GABRG3: variants seen among roughly 807,000 people sequenced by gnomAD.
The protein encoded by GABRG3 is gamma-aminobutyric acid type A receptor subunit gamma3.
In GABRG3, 25 loss-of-function variants were observed where a neutral mutation model predicts 48.8. That is an observed-to-expected ratio of 0.51 (90% confidence interval 0.37 to 0.72). GABRG3 has a LOEUF of 0.72. Among genes scored for constraint, GABRG3 ranks in the 30% least tolerant of loss-of-function variants. The probability of loss-of-function intolerance (pLI) is 0.00; values close to 1 mark genes in which losing one functional copy is unlikely to be tolerated. For missense variants in GABRG3, 394 were observed against 577.9 expected, an observed-to-expected ratio of 0.68 and a Z score of 3.26; for synonymous variants, 227 against 217.6, an observed-to-expected ratio of 1.04 and a Z score of -0.38.
intron 3 of GABRG3, among the ~76,000 whole-genome samples, chr15:27,199,869 T>C (rs1370450246): frequency 6.6e-6 from 1 of 152,092 alleles, no homozygotes; most frequent in Non-Finnish European, 1.5e-5. Context: ...TTGTCTTTTT[T>C]TTTCTTTCTT....
At chr15:27,207,421 G>A (rs896904413) in intron 3 of GABRG3, among the ~76,000 whole-genome samples, 1 of 152,208 alleles carries the variant, frequency 6.6e-6, no homozygotes, top group African/African-American at 2.4e-5. Context: ...GCCTTCCAAA[G>A]ATTCACATTT....
At chr15:27,156,534 C>T (rs1465758064) in intron 3 of GABRG3, among the ~76,000 whole-genome samples, 2 of 152,110 alleles carry the variant, frequency 1.3e-5, no homozygotes, top group African/African-American at 4.8e-5. Flanking sequence ...GATGCCCTAA[C>T]TGGTTTGCCT....
rs537647733 is a variant in GABRG3 at position 27,522,892 on chromosome 15, A to G, written c.865+2768A>G. Among the ~76,000 whole-genome samples the G allele has an allele frequency of 1.8e-4, 27 of 152,032 alleles. No individual in the cohort carries two copies. The South Asian group carries it at 5.2e-3, about 29-fold the overall frequency. Reference sequence around the variant, plus strand: ...ATACTTCTATCAGCAGTGTACACAAACAAGCACATTTGTCCACTTATTTAA... The same window carrying G: ...ATACTTCTATCAGCAGTGTACACAAGCAAGCACATTTGTCCACTTATTTAA... On this transcript the variant is annotated intron_variant, in intron 7 of 9. Transcript: ENST00000615808.
At chr15:27,042,953 A>G (rs1383215581) in intron 3 of GABRG3, among the ~76,000 whole-genome samples, 1 of 152,208 alleles carries the variant, frequency 6.6e-6, no homozygotes, top group African/African-American at 2.4e-5. Context: ...TGTTGCACTC[A>G]GTCATAAGCT....
intron 3 of GABRG3, among the ~76,000 whole-genome samples, chr15:27,120,643 C>T (rs549588371): frequency 4.3e-4 from 66 of 152,182 alleles, no homozygotes; most frequent in African/African-American, 1.6e-3. Flanking sequence ...ATAGGCGCTC[C>T]TGGACTGGGC....
At chr15:27,367,025 G>T (rs547020200) in intron 5 of GABRG3, among the ~76,000 whole-genome samples, 1 of 152,262 alleles carries the variant, frequency 6.6e-6, no homozygotes, top group Admixed American at 6.5e-5. Context: ...TCCCCCAGAG[G>T]CACCAAGGAG....
At chr15:27,073,095 T>C (rs1414915323) in intron 3 of GABRG3, among the ~76,000 whole-genome samples, 2 of 152,224 alleles carry the variant, frequency 1.3e-5, no homozygotes, top group African/African-American at 4.8e-5. Flanking sequence ...GGTGACTTGA[T>C]GTGTCCAGGG....
At chr15:27,425,757 T>G (rs1221625079) in intron 5 of GABRG3, among the ~76,000 whole-genome samples, 2 of 152,236 alleles carry the variant, frequency 1.3e-5, no homozygotes, top group East Asian at 3.9e-4. Flanking sequence ...TACTTCTCCT[T>G]GGAGAATGTA....
At chr15:27,311,891 C>T (rs557085602) in intron 3 of GABRG3, among the ~76,000 whole-genome samples, 11 of 151,986 alleles carry the variant, frequency 7.2e-5, no homozygotes, top group Admixed American at 1.3e-4. Context: ...TGGGAGAGGT[C>T]GCTGTTTTAT....
intron 3 of GABRG3, among the ~76,000 whole-genome samples, chr15:27,198,784 G>C (rs1002659873): frequency 6.6e-6 from 1 of 152,086 alleles, no homozygotes. Flanking sequence ...AAGAAAATGT[G>C]GCATATATAC....
intron 1 of GABRG3, among the ~76,000 whole-genome samples, chr15:26,973,992 G>A (rs1304442034): frequency 6.6e-6 from 1 of 152,098 alleles, no homozygotes; most frequent in African/African-American, 2.4e-5. Flanking sequence ...CATTCTAATG[G>A]GTCCCCTGAG....
intron 3 of GABRG3, 25 bp from the exon 4 acceptor site, chr15:27,326,784 T>A (rs1893629810): frequency 6.5e-7 from 1 of 1,545,892 alleles, no homozygotes; most frequent in African/African-American, 1.4e-5. Context: ...AGAACTGTCT[T>A]GCCTCTCCTT....
intron 3 of GABRG3, among the ~76,000 whole-genome samples, chr15:27,068,585 G>A (rs115677620): frequency 2.0e-4 from 31 of 152,348 alleles, no homozygotes; most frequent in African/African-American, 6.7e-4. Context: ...AGATATATTT[G>A]TAGGGCCCAG....
At chr15:27,023,969 T>C (rs959717960) in intron 2 of GABRG3, among the ~76,000 whole-genome samples, 13 of 152,228 alleles carry the variant, frequency 8.5e-5, no homozygotes, top group Admixed American at 7.2e-4. Flanking sequence ...ACTTGTTATT[T>C]TCTGTTGCTG....
Position 27,388,309 on chromosome 15 carries a change from GGAGGGAGGGAAAAGA to G in GABRG3, c.574+59422_574+59436del, listed in dbSNP as rs1566818478. On this transcript the variant is annotated intron_variant, in intron 5 of 9. Coordinates refer to ENST00000615808, the MANE Select transcript of GABRG3 (RefSeq NM_033223.5). Reference sequence around the variant, plus strand: ...GAAGGAAGAAAAGAAGGAAGGAAAGGGAGGGAGGGAAAAGAAGGAAGGAAGGAAAGGTGGGAGGGA... The same window carrying G: ...GAAGGAAGAAAAGAAGGAAGGAAAGGAGGAAGGAAGGAAAGGTGGGAGGGA... Among the ~76,000 whole-genome samples the G allele has an allele frequency of 5.1e-4, 17 of 33,156 alleles. 1 individual carries two copies. Among genetic ancestry groups the G allele is most frequent in the East Asian group, 2.2e-3 (1 of 458 alleles). 21.8% of individuals were successfully genotyped at this position (33,156 alleles called of 152,430 possible).
intron 3 of GABRG3, among the ~76,000 whole-genome samples, chr15:27,230,804 A>G (rs1889771292): frequency 6.6e-6 from 1 of 152,170 alleles, no homozygotes; most frequent in South Asian, 2.1e-4. Context: ...CTCAGAAAAA[A>G]AAATTAAGTG....
At chr15:27,201,522 G>A (rs563291767) in intron 3 of GABRG3, among the ~76,000 whole-genome samples, 2 of 151,804 alleles carry the variant, frequency 1.3e-5, no homozygotes, top group East Asian at 3.9e-4. Flanking sequence ...GGAGGGAGGA[G>A]GGAGTGTGAG....
intron 3 of GABRG3, among the ~76,000 whole-genome samples, chr15:27,237,205 A>G (rs1183725076): frequency 6.6e-6 from 1 of 152,236 alleles, no homozygotes; most frequent in Non-Finnish European, 1.5e-5. Flanking sequence ...GAGATACAGA[A>G]TGGGTTATTT....
intron 2 of GABRG3, among the ~76,000 whole-genome samples, chr15:27,012,706 AG>A (rs1895711552): frequency 6.6e-6 from 1 of 152,164 alleles, no homozygotes. Context: ...TTCCTTTCAT[AG>A]TACTCATAAC....
Sources: allele counts gnomAD v4.1 joint callset (sites outside exome capture counted in the v4.1 genomes callset), GRCh38; gene constraint gnomAD v4.1.1; transcripts MANE v1.5; gene names NCBI Gene and HGNC (gene_info 2026-07-23, HGNC 2026-07-21).